Variants in LAMA2 observed in about 807,000 individuals in gnomAD.
LAMA2 encodes laminin subunit alpha-2.
LAMA2 carries 269 observed loss-of-function variants against 364.8 expected under a neutral mutation model. The ratio of observed to expected loss-of-function variants is 0.74; its 90% CI spans 0.67 to 0.82. LAMA2 has a LOEUF of 0.82. Among genes scored for constraint, LAMA2 ranks in the 40% least tolerant of loss-of-function variants. The probability of loss-of-function intolerance (pLI) is 0.00; values close to 1 mark genes in which losing one functional copy is unlikely to be tolerated. For synonymous variants in LAMA2, 1,379 were observed against 1,370.6 expected (o/e 1.01, Z -0.14); for missense variants, 3,807 against 3,873.2 (o/e 0.98, Z 0.45).
At chr6:129,088,352 T>C (rs1043085929) in intron 3 of LAMA2, among the ~76,000 whole-genome samples, 1 of 150,846 alleles carries the variant, frequency 6.6e-6, no homozygotes. Flanking sequence ...ATTTCCCCCT[T>C]TTCTATTCCA....
intron 14 of LAMA2, among the ~76,000 whole-genome samples, chr6:129,252,778 C>CT (rs68089713): frequency 0.25 from 38,091 of 152,008 alleles, 6,865 homozygotes; most frequent in African/African-American, 0.51. Context: ...CTATAAAACA[C>CT]TTTAAGACTA....
At chr6:129,501,427 T>C (rs1426726627) in intron 58 of LAMA2, among the ~76,000 whole-genome samples, 1 of 152,224 alleles carries the variant, frequency 6.6e-6, no homozygotes, top group African/African-American at 2.4e-5. Context: ...AGACCAATTT[T>C]ACGGCATTTC....
intron 45 of LAMA2, among the ~76,000 whole-genome samples, chr6:129,448,054 G>A (rs971849043): frequency 2.0e-5 from 3 of 152,152 alleles, no homozygotes; most frequent in African/African-American, 7.2e-5. Context: ...TTGGGAGGCT[G>A]AGGCAGGCAG....
At position 129,133,051 on chromosome 6, in the gene LAMA2, T is replaced by C. The variant is rs566638990; in HGVS notation, c.640-10850T>C. Among the ~76,000 whole-genome samples the C allele has an allele frequency of 2.0e-5, 3 of 152,190 alleles. No individual in the cohort carries two copies. In the South Asian group the frequency reaches 6.2e-4, roughly 32 times the overall value. On this transcript the variant is annotated intron_variant, in intron 4 of 64. Transcript: ENST00000421865. ...GCAATCACACAAAGTATCAGGCACA[T>C]GGGGATAGACAATATTAGAAAAGCA...
At chr6:128,958,625 T>C (rs769729623) in intron 1 of LAMA2, among the ~76,000 whole-genome samples, 16 of 152,212 alleles carry the variant, frequency 1.1e-4, no homozygotes, top group Non-Finnish European at 2.4e-4. Context: ...ATAATATTGA[T>C]GTGCTCTGGT....
intron 3 of LAMA2, among the ~76,000 whole-genome samples, chr6:129,067,006 C>T (rs1458493847): frequency 6.6e-6 from 1 of 152,086 alleles, no homozygotes. Context: ...TTGGTCTGGG[C>T]AATGATTTTT....
Position 129,342,953 on chromosome 6 carries a change from T to C in LAMA2, c.4436+486T>C, listed in dbSNP as rs189704925. Among the ~76,000 whole-genome samples, 130 of 152,246 alleles carry C rather than the reference T, an allele frequency of 8.5e-4. 1 individual carries two copies. Among genetic ancestry groups the C allele is most frequent in the Middle Eastern group, 6.8e-3 (2 of 294 alleles). ...AATTAAAGCAGGTGACTTATTGTTA[T>C]GCTCCAAAAAATGTCATCTCCCGGA... On this transcript the variant is annotated intron_variant, in intron 30 of 64. Transcript: ENST00000421865.
intron 5 of LAMA2, among the ~76,000 whole-genome samples, chr6:129,146,697 T>C (rs538379146): frequency 1.2e-4 from 19 of 152,034 alleles, no homozygotes; most frequent in Non-Finnish European, 2.1e-4. Flanking sequence ...TACTCTAGCA[T>C]GGACTTGGTG....
At chr6:129,465,088 A>G in intron 50 of LAMA2, 57 bp from the exon 51 acceptor site, 2 of 1,384,300 alleles carry the variant, frequency 1.4e-6, no homozygotes, top group Non-Finnish European at 2.1e-6. Flanking sequence ...AGAAAAGTGA[A>G]CACTCATATA....
At chr6:128,951,533 C>T (rs575938773) in intron 1 of LAMA2, among the ~76,000 whole-genome samples, 9 of 151,902 alleles carry the variant, frequency 5.9e-5, no homozygotes, top group Non-Finnish European at 1.0e-4. Flanking sequence ...GTGAAATGAC[C>T]GACTTATCAA....
At chr6:129,202,484 G>C (rs890075783) in intron 12 of LAMA2, among the ~76,000 whole-genome samples, 1 of 152,072 alleles carries the variant, frequency 6.6e-6, no homozygotes, top group Admixed American at 6.5e-5. Context: ...CAGCAAGGAG[G>C]TACCACCTTG....
intron 1 of LAMA2, among the ~76,000 whole-genome samples, chr6:128,894,593 A>G (rs985489525): frequency 1.4e-4 from 21 of 152,358 alleles, no homozygotes; most frequent in Admixed American, 3.9e-4. Flanking sequence ...GCTGAAAACA[A>G]CTGTACAAAT....
intron 32 of LAMA2, among the ~76,000 whole-genome samples, chr6:129,363,631 A>C (rs1443421239): frequency 1.3e-5 from 2 of 152,222 alleles, no homozygotes; most frequent in Non-Finnish European, 2.9e-5. Flanking sequence ...AACAGTAGCA[A>C]TATCACCTGG....
At chr6:129,465,009 A>C in intron 50 of LAMA2, 136 bp from the exon 51 acceptor site, 1 of 753,166 alleles carries the variant, frequency 1.3e-6, no homozygotes, top group South Asian at 1.5e-5. Flanking sequence ...TTCTATTTTC[A>C]AAATGGATTT....
In LAMA2 at chr6:129,516,470, G is replaced by A. The variant is rs763361790; in HGVS notation, c.*123G>A. The A allele has an allele frequency of 2.2e-5, 21 of 962,134 alleles. No individual in the cohort carries two copies. The highest frequency in any genetic ancestry group is 3.2e-5 in the African/African-American group (2 of 61,588). 59.6% of individuals were successfully genotyped at this position (962,134 alleles called of 1,614,324 possible). A position where few individuals can be genotyped will look rare whatever the true frequency, so the allele number is the denominator to read the frequency against. On this transcript the variant is annotated 3_prime_UTR_variant, in exon 65 of 65. Coordinates refer to ENST00000421865, the MANE Select transcript of LAMA2 (RefSeq NM_000426.4). ...TGTGCATGTACATAGAATTCTTTCT[G>A]TATTCAGATGGTGCTAATTCAGACT...
intron 3 of LAMA2, among the ~76,000 whole-genome samples, chr6:129,076,581 C>T (rs1773672365): frequency 6.8e-6 from 1 of 147,848 alleles, no homozygotes; most frequent in African/African-American, 2.5e-5. Flanking sequence ...AATTTGGAAG[C>T]TCCCACCCTA....
chr6:129,214,641 G>A (rs1783310000), intron 12 of LAMA2, among the ~76,000 whole-genome samples: 2 of 152,132 alleles, frequency 1.3e-5, no homozygotes, highest in South Asian at 4.1e-4. Context: ...TGATCTAAGT[G>A]ACTTTTTTCT....
Position 129,440,879 on chromosome 6 carries a change from A to G in LAMA2, c.6149A>G (p.Asp2050Gly). Reference protein sequence around the residue: ...KARQANDTAKDVLAQITELHQ... With the variant: ...KARQANDTAKGVLAQITELHQ... The stretch of plus-strand genomic sequence containing the variant: ...AGACAAGCCAACGACACAGCTAAAG[A>G]TGTACTGGCACAGATTACAGAGCTC... The change falls in exon 43 of 65, where the codon GAT (aspartate) becomes GGT (glycine). Residue 2050 changes from aspartate (D) to glycine (G), a missense_variant. Coordinates refer to ENST00000421865, the MANE Select transcript of LAMA2 (RefSeq NM_000426.4). The G allele has an allele frequency of 6.2e-7, 1 of 1,613,986 alleles. No homozygotes were observed. The highest frequency in any genetic ancestry group is 8.5e-7 in the Non-Finnish European group (1 of 1,179,894).
At position 129,192,795 on chromosome 6, in the gene LAMA2, G is replaced by C. The variant is rs1222805729; in HGVS notation, c.1724G>C (p.Arg575Pro). The C allele has an allele frequency of 6.2e-7, 1 of 1,614,036 alleles. No individual in the cohort carries two copies. The highest frequency in any genetic ancestry group is 1.7e-5 in the Admixed American group (1 of 59,992). The change falls in exon 12 of 65, where the codon CGG becomes CCG. Residue 575 changes from arginine (R) to proline (P), a missense_variant. Arg to Pro is a moderately radical substitution (Grantham distance 103, BLOSUM62 -2). Transcript: ENST00000421865. ...QQISISNAEA[R>P]QALPHSYYWS... ...ATCAGCATCAGTAACGCGGAGGCCC[G>C]GCAAGCCCTGCCGCACAGCTACTAC...
Sources: allele counts gnomAD v4.1 joint callset (sites outside exome capture counted in the v4.1 genomes callset), GRCh38; gene constraint gnomAD v4.1.1; transcripts MANE v1.5; gene names NCBI Gene and HGNC (gene_info 2026-07-23, HGNC 2026-07-21).